The following DLC1 variants were observed in gnomAD, a reference collection of about 807,000 sequenced individuals.
DLC1 encodes the protein rho GTPase-activating protein 7.
DLC1 carries 54 observed loss-of-function variants against 140.3 expected under a neutral mutation model. The observed-to-expected ratio is 0.38, with a 90% CI of 0.31 to 0.48. The LOEUF is 0.48. DLC1 is among the 20% of genes least tolerant of loss of function. DLC1 has a pLI of 0.96. For missense variants in DLC1, 2,536 were observed against 1,907.0 expected, an observed-to-expected ratio of 1.33 and a Z score of -6.14; for synonymous variants, 986 against 728.1, an observed-to-expected ratio of 1.35 and a Z score of -5.70.
intron 7 of DLC1, among the ~76,000 whole-genome samples, chr8:13,106,227 A>G (rs529434): frequency 0.071 from 10,770 of 152,256 alleles, 1,132 homozygotes; most frequent in African/African-American, 0.23. Flanking sequence ...AAAAACAAAG[A>G]AGAGAAGAGG....
At chr8:13,455,473 T>C (rs1468991611) in intron 2 of DLC1, among the ~76,000 whole-genome samples, 1 of 152,042 alleles carries the variant, frequency 6.6e-6, no homozygotes, top group South Asian at 2.1e-4. Context: ...CTCCCTCTGC[T>C]CCAGACACAC....
chr8:13,411,549 T>C (rs62492182), intron 2 of DLC1, among the ~76,000 whole-genome samples: 57,847 of 151,962 alleles, frequency 0.38, 11,685 homozygotes, highest in Non-Finnish European at 0.45. Flanking sequence ...GAACTTTGAG[T>C]GATACTGACA....
chr8:13,523,310 GAAGAA>G (rs892172745), intron 1 of DLC1, among the ~76,000 whole-genome samples: 6 of 152,052 alleles, frequency 3.9e-5, no homozygotes, highest in Admixed American at 6.5e-5. Context: ...TGCTATATAA[GAAGAA>G]AAGAAGAGTC....
At chr8:13,531,740 A>T (rs1376087863) in intron 1 of DLC1, among the ~76,000 whole-genome samples, 1 of 152,222 alleles carries the variant, frequency 6.6e-6, no homozygotes, top group African/African-American at 2.4e-5. Flanking sequence ...CTGAAATCTT[A>T]TCCTTCCAAA....
chr8:13,301,877 C>G (rs919710988), intron 5 of DLC1, among the ~76,000 whole-genome samples: 4 of 152,144 alleles, frequency 2.6e-5, no homozygotes, highest in African/African-American at 9.7e-5. Context: ...GATCTGAGGT[C>G]TGAGGTGGAA....
intron 5 of DLC1, among the ~76,000 whole-genome samples, chr8:13,193,917 G>A (rs557647116): frequency 1.1e-4 from 16 of 152,120 alleles, no homozygotes; most frequent in African/African-American, 2.9e-4. Context: ...ATCTGACGCC[G>A]CTAAAAAATC....
chr8:13,291,436 TC>T (rs139496650), intron 5 of DLC1, among the ~76,000 whole-genome samples: 7,641 of 152,268 alleles, frequency 0.05, 237 homozygotes, highest in South Asian at 0.12. Context: ...GATATTAACT[TC>T]TATTATTTGA....
At chr8:13,130,519 A>C (rs2128962451) in intron 5 of DLC1, among the ~76,000 whole-genome samples, 1 of 152,354 alleles carries the variant, frequency 6.6e-6, no homozygotes, top group African/African-American at 2.4e-5. Context: ...CATGCAAACA[A>C]GGGCTTTAGG....
intron 5 of DLC1, among the ~76,000 whole-genome samples, chr8:13,241,968 G>A (rs1033432758): frequency 6.6e-6 from 1 of 152,078 alleles, no homozygotes; most frequent in Non-Finnish European, 1.5e-5. Flanking sequence ...TCTTGGGGGT[G>A]GCAGATGAAG....
At position 13,326,423 on chromosome 8, in the gene DLC1, C is replaced by T. The variant is rs947173467; in HGVS notation, c.1315-21121G>A. Among the ~76,000 whole-genome samples the T allele has an allele frequency of 3.3e-5, 5 of 152,114 alleles. No homozygotes were observed. In the East Asian group the frequency reaches 7.7e-4, roughly 23 times the overall value. ...CAAAAAGAATACATATACAACATTA[C>T]GTATTTATAATTTTTTAAAGAAGAG... On this transcript the variant is annotated intron_variant, in intron 4 of 17. Transcript: ENST00000276297.
chr8:13,471,309 CAA>C (rs59564488), intron 2 of DLC1, among the ~76,000 whole-genome samples: 4,145 of 119,120 alleles, frequency 0.035, 74 homozygotes, highest in Middle Eastern at 0.053. Flanking sequence ...ATGTTCTCAC[CAA>C]AAAAAAAAAA....
At chr8:13,218,675 A>T (rs577437950) in intron 5 of DLC1, among the ~76,000 whole-genome samples, 11 of 150,972 alleles carry the variant, frequency 7.3e-5, no homozygotes, top group Non-Finnish European at 1.5e-4. Flanking sequence ...TGCTAATGGG[A>T]ATGTAAAAAT....
chr8:13,558,102 G>A (rs567850822), intron 1 of DLC1: 2 of 152,360 alleles, frequency 1.3e-5, no homozygotes, highest in East Asian at 1.9e-4. Flanking sequence ...CAGTAGCTAT[G>A]AGAGAAAAAC....
intron 5 of DLC1, among the ~76,000 whole-genome samples, chr8:13,303,714 A>G (rs1191055766): frequency 6.6e-6 from 1 of 152,186 alleles, no homozygotes; most frequent in African/African-American, 2.4e-5. Context: ...AGGCAGGAGA[A>G]TGGCTTGAAT....
chr8:13,391,907 AAG>A (rs80260272), intron 4 of DLC1, among the ~76,000 whole-genome samples: 65,422 of 145,062 alleles, frequency 0.45, 14,700 homozygotes, highest in East Asian at 0.76. Flanking sequence ...GTTGAAAAAA[AAG>A]AAAAAGCCAA....
chr8:13,346,871 C>T (rs190061180), intron 4 of DLC1, among the ~76,000 whole-genome samples: 1 of 152,342 alleles, frequency 6.6e-6, no homozygotes, highest in East Asian at 1.9e-4. Flanking sequence ...CAGCAGTCCC[C>T]ATTTATCCAT....
intron 5 of DLC1, among the ~76,000 whole-genome samples, chr8:13,171,285 T>G (rs1413651511): frequency 6.6e-6 from 1 of 152,182 alleles, no homozygotes; most frequent in Non-Finnish European, 1.5e-5. Flanking sequence ...TGTCAACCTG[T>G]TTGTTCTTAT....
At chr8:13,159,924 C>G (rs937845639) in intron 5 of DLC1, among the ~76,000 whole-genome samples, 8 of 151,098 alleles carry the variant, frequency 5.3e-5, no homozygotes, top group Admixed American at 2.0e-4. Flanking sequence ...CTTTGGGAGG[C>G]TGAGGCGGGC....
At chr8:13,530,568 G>A (rs1337178521) in intron 1 of DLC1, among the ~76,000 whole-genome samples, 1 of 152,104 alleles carries the variant, frequency 6.6e-6, no homozygotes, top group African/African-American at 2.4e-5. Context: ...CCACATGCCT[G>A]CGAGTCAAAA....
Sources: allele counts gnomAD v4.1 joint callset (sites outside exome capture counted in the v4.1 genomes callset), GRCh38; gene constraint gnomAD v4.1.1; transcripts MANE v1.5; gene names NCBI Gene and HGNC (gene_info 2026-07-23, HGNC 2026-07-21).